Variants in CDK14 observed in about 807,000 individuals in gnomAD.
CDK14 encodes cyclin-dependent kinase 14.
Under a neutral mutation model 60.7 loss-of-function variants are expected in CDK14, and 34 were observed. The observed-to-expected ratio is 0.56, with a 90% CI of 0.43 to 0.75. CDK14 has a LOEUF of 0.75. CDK14 is among the 30% of genes least tolerant of loss of function. The probability of loss-of-function intolerance (pLI) is 0.00; values close to 1 mark genes in which losing one functional copy is unlikely to be tolerated. For synonymous variants in CDK14, 197 were observed against 203.7 expected, an observed-to-expected ratio of 0.97 and a Z score of 0.28; for missense variants, 482 against 564.1, an observed-to-expected ratio of 0.85 and a Z score of 1.47.
chr7:90,651,531 C>G (rs1473057646), intron 2 of CDK14, among the ~76,000 whole-genome samples: 1 of 152,128 alleles, frequency 6.6e-6, no homozygotes, highest in Non-Finnish European at 1.5e-5. Context: ...CCTGTATAAT[C>G]AGCTTCCTGT....
At chr7:90,772,108 G>A (rs1405435780) in intron 4 of CDK14, among the ~76,000 whole-genome samples, 2 of 152,180 alleles carry the variant, frequency 1.3e-5, no homozygotes, top group Non-Finnish European at 2.9e-5. Context: ...TGGGTTCATA[G>A]AGTAACATCT....
At chr7:90,773,081 G>A (rs1371532892) in intron 4 of CDK14, among the ~76,000 whole-genome samples, 4 of 152,110 alleles carry the variant, frequency 2.6e-5, no homozygotes, top group Admixed American at 6.5e-5. Context: ...TTATTTTGAC[G>A]TTTGTAAAGA....
chr7:90,788,894 A>G (rs1258963170), intron 4 of CDK14, among the ~76,000 whole-genome samples: 1 of 152,148 alleles, frequency 6.6e-6, no homozygotes, highest in African/African-American at 2.4e-5. Flanking sequence ...TAAATTGGCA[A>G]AATCAGACAC....
At chr7:91,013,072 A>G (rs1796206470) in intron 10 of CDK14, among the ~76,000 whole-genome samples, 1 of 152,184 alleles carries the variant, frequency 6.6e-6, no homozygotes, top group African/African-American at 2.4e-5. Context: ...TTAATTTACT[A>G]CCTAACCTGA....
intron 3 of CDK14, among the ~76,000 whole-genome samples, chr7:90,730,068 A>G (rs1802801001): frequency 6.6e-6 from 1 of 151,850 alleles, no homozygotes; most frequent in African/African-American, 2.4e-5. Flanking sequence ...ATGTGTTCTC[A>G]TTGTTTAACT....
intron 10 of CDK14, among the ~76,000 whole-genome samples, chr7:91,026,278 T>C (rs1177059191): frequency 6.6e-6 from 1 of 152,186 alleles, no homozygotes; most frequent in Non-Finnish European, 1.5e-5. Context: ...GAAGAGCAAC[T>C]GCTGACAATT....
chr7:90,966,792 A>G (rs551054640), intron 9 of CDK14, among the ~76,000 whole-genome samples: 32 of 152,116 alleles, frequency 2.1e-4, no homozygotes, highest in Admixed American at 3.9e-4. Flanking sequence ...CACTTTTTAC[A>G]TCCTGAACTT....
chr7:91,042,042 C>T (rs991134576), intron 10 of CDK14, among the ~76,000 whole-genome samples: 5 of 152,102 alleles, frequency 3.3e-5, no homozygotes, highest in African/African-American at 1.2e-4. Context: ...TCAGACATCA[C>T]AAAAAGGTAG....
At chr7:90,839,305 A>G (rs1790213150) in intron 5 of CDK14, among the ~76,000 whole-genome samples, 1 of 152,194 alleles carries the variant, frequency 6.6e-6, no homozygotes. Context: ...TGTAGAATTG[A>G]GACTATGGCT....
chr7:91,195,423 C>A (rs1802504012), intron 14 of CDK14, among the ~76,000 whole-genome samples: 1 of 152,116 alleles, frequency 6.6e-6, no homozygotes, highest in Admixed American at 6.5e-5. Context: ...AAAATAGAGA[C>A]ATGAGTGAAC....
chr7:90,764,864 A>T (rs1185842964), intron 4 of CDK14, among the ~76,000 whole-genome samples: 1 of 152,188 alleles, frequency 6.6e-6, no homozygotes, highest in Non-Finnish European at 1.5e-5. Context: ...GATCCTAGAG[A>T]TCTGCAAGCA....
chr7:91,134,425 TTTGC>T (rs560405351), intron 14 of CDK14, among the ~76,000 whole-genome samples: 286 of 152,234 alleles, frequency 1.9e-3, no homozygotes, highest in African/African-American at 6.5e-3. Context: ...ACCTGAACTA[TTTGC>T]AAAAGGTCAG....
intron 11 of CDK14, among the ~76,000 whole-genome samples, chr7:91,050,383 C>G (rs1447059525): frequency 6.6e-6 from 1 of 151,846 alleles, no homozygotes; most frequent in African/African-American, 2.4e-5. Flanking sequence ...CTATGATTAT[C>G]CCAGAACTCA....
chr7:90,658,849 T>C (rs2116497447), intron 2 of CDK14, among the ~76,000 whole-genome samples: 2 of 152,316 alleles, frequency 1.3e-5, no homozygotes, highest in South Asian at 4.1e-4. Flanking sequence ...ATGGTAACTA[T>C]GATATGTTTA....
At chr7:90,830,371 A>G (rs1789875655) in intron 5 of CDK14, among the ~76,000 whole-genome samples, 1 of 152,290 alleles carries the variant, frequency 6.6e-6, no homozygotes, top group Non-Finnish European at 1.5e-5. Flanking sequence ...CCTTTTAGCC[A>G]TGGCTGGAGC....
chr7:90,631,937 A>C (rs1160132971), intron 2 of CDK14: 1 of 152,432 alleles, frequency 6.6e-6, no homozygotes, highest in African/African-American at 2.4e-5. Context: ...GATGACACTG[A>C]AGGTGTTTCA....
chr7:90,779,066 ACATGG>A (rs1302782055), intron 4 of CDK14, among the ~76,000 whole-genome samples: 1 of 152,070 alleles, frequency 6.6e-6, no homozygotes, highest in Non-Finnish European at 1.5e-5. Flanking sequence ...AGCCTGGCCA[ACATGG>A]TGAAACCCCG....
chr7:91,015,931 G>T (rs1348855969), intron 10 of CDK14, among the ~76,000 whole-genome samples: 2 of 151,998 alleles, frequency 1.3e-5, no homozygotes, highest in Non-Finnish European at 2.9e-5. Flanking sequence ...GGGATTTTGG[G>T]GTTGACATGT....
chr7:90,629,438 G>A (rs1799945826), intron 2 of CDK14, among the ~76,000 whole-genome samples: 1 of 152,110 alleles, frequency 6.6e-6, no homozygotes, highest in Admixed American at 6.6e-5. Context: ...CACTGGGTCT[G>A]GTGTCTGTCT....
Sources: gnomAD v4.1 joint callset for allele counts (sites outside exome capture counted in the v4.1 genomes callset) on GRCh38, gnomAD v4.1.1 for gene constraint, MANE v1.5 for transcripts, NCBI Gene and HGNC (gene_info 2026-07-23, HGNC 2026-07-21) for gene names.